Variants in SPAG16 observed in about 807,000 individuals in gnomAD.
SPAG16 encodes sperm associated antigen 16.
SPAG16 carries 86 observed loss-of-function variants against 80.4 expected under a neutral mutation model. The ratio of observed to expected loss-of-function variants is 1.07; its 90% CI spans 0.90 to 1.28. The LOEUF (loss-of-function observed/expected upper bound fraction) is 1.28, where lower values mean the gene tolerates loss of function less well. SPAG16 is among the 50% of genes most tolerant of loss of function. The pLI is 0.00. For synonymous variants in SPAG16, 294 were observed against 265.9 expected (o/e 1.11, Z -1.03); for missense variants, 870 against 765.3 (o/e 1.14, Z -1.61).
chr2:214,113,817 A>G (rs1057062817), intron 14 of SPAG16, among the ~76,000 whole-genome samples: 3 of 152,136 alleles, frequency 2.0e-5, no homozygotes, highest in Admixed American at 6.6e-5. Flanking sequence ...TCTGAAGCCT[A>G]CTTCTGCCAA....
intron 10 of SPAG16, among the ~76,000 whole-genome samples, chr2:213,532,338 A>G (rs1035820102): frequency 6.6e-6 from 1 of 152,168 alleles, no homozygotes; most frequent in Admixed American, 6.5e-5. Context: ...TTTAATTTTT[A>G]TATACTCTGT....
At chr2:213,331,794 A>G (rs1283868166) in intron 5 of SPAG16, among the ~76,000 whole-genome samples, 1 of 152,234 alleles carries the variant, frequency 6.6e-6, no homozygotes, top group African/African-American at 2.4e-5. Context: ...TGGATCAGTG[A>G]AGGAATTAAG....
At chr2:213,882,980 C>G (rs2076404589) in intron 11 of SPAG16, among the ~76,000 whole-genome samples, 1 of 152,200 alleles carries the variant, frequency 6.6e-6, no homozygotes, top group Non-Finnish European at 1.5e-5. Context: ...CATTCTCCTC[C>G]TCAGCCTCCC....
intron 10 of SPAG16, among the ~76,000 whole-genome samples, chr2:213,769,318 T>A (rs187852031): frequency 2.0e-5 from 3 of 152,302 alleles, no homozygotes; most frequent in Middle Eastern, 3.4e-3. Flanking sequence ...AAAATTTCCA[T>A]AGAAGTTGAA....
At chr2:213,929,600 G>T (rs191619321) in intron 11 of SPAG16, among the ~76,000 whole-genome samples, 3 of 151,012 alleles carry the variant, frequency 2.0e-5, no homozygotes, top group African/African-American at 7.2e-5. Flanking sequence ...TTTAGCCCAT[G>T]TCTGAATCTT....
At chr2:213,934,867 C>T (rs1463254993) in intron 12 of SPAG16, among the ~76,000 whole-genome samples, 1 of 152,022 alleles carries the variant, frequency 6.6e-6, no homozygotes, top group African/African-American at 2.4e-5. Flanking sequence ...TTTGTAACTT[C>T]AGTTAGGCTG....
intron 15 of SPAG16, among the ~76,000 whole-genome samples, chr2:214,229,075 A>T (rs1053566713): frequency 5.3e-5 from 8 of 151,786 alleles, no homozygotes; most frequent in Non-Finnish European, 1.2e-4. Context: ...ACCAGGGACT[A>T]TGGTAGGTAC....
chr2:214,276,722 C>G (rs1362476691), intron 15 of SPAG16, among the ~76,000 whole-genome samples: 1 of 152,132 alleles, frequency 6.6e-6, no homozygotes, highest in Admixed American at 6.5e-5. Context: ...CTGCCCTTAA[C>G]ATTTTTTCCT....
At chr2:213,751,984 A>T (rs974391381) in intron 10 of SPAG16, among the ~76,000 whole-genome samples, 4 of 152,178 alleles carry the variant, frequency 2.6e-5, no homozygotes, top group African/African-American at 9.7e-5. Flanking sequence ...CTGTAAACTA[A>T]ACCGAAAAAG....
intron 15 of SPAG16, among the ~76,000 whole-genome samples, chr2:214,377,427 A>G (rs1700195115): frequency 1.3e-5 from 2 of 152,210 alleles, no homozygotes; most frequent in South Asian, 4.1e-4. Flanking sequence ...TTTCAGACAG[A>G]TGATTCATCT....
At chr2:214,244,105 A>G (rs1196374027) in intron 15 of SPAG16, among the ~76,000 whole-genome samples, 1 of 152,104 alleles carries the variant, frequency 6.6e-6, no homozygotes, top group Non-Finnish European at 1.5e-5. Flanking sequence ...GAATCCACTC[A>G]ATCAGTTACA....
intron 11 of SPAG16, among the ~76,000 whole-genome samples, chr2:213,901,993 G>T (rs1335875340): frequency 6.6e-6 from 1 of 152,192 alleles, no homozygotes; most frequent in Non-Finnish European, 1.5e-5. Context: ...ATCCTGGTCT[G>T]AATGAAAATG....
At chr2:213,345,730 A>C (rs1317392205) in intron 6 of SPAG16, among the ~76,000 whole-genome samples, 2 of 149,024 alleles carry the variant, frequency 1.3e-5, no homozygotes, top group East Asian at 4.0e-4. Context: ...GTTCTGTTCC[A>C]TTGGTCTATA....
intron 9 of SPAG16, among the ~76,000 whole-genome samples, chr2:213,396,911 A>G (rs1388509658): frequency 6.6e-6 from 1 of 151,726 alleles, no homozygotes; most frequent in Admixed American, 6.6e-5. Context: ...TTGACCCAAT[A>G]TTTCCCTCTT....
intron 13 of SPAG16, among the ~76,000 whole-genome samples, 155 bp downstream of exon 13, chr2:214,014,232 G>A (rs2047472796): frequency 6.6e-6 from 1 of 152,144 alleles, no homozygotes. Context: ...TCCTTTCTAT[G>A]CACTTGTATC....
At chr2:213,499,267 G>A (rs1221140453) in intron 10 of SPAG16, among the ~76,000 whole-genome samples, 1 of 152,026 alleles carries the variant, frequency 6.6e-6, no homozygotes, top group Non-Finnish European at 1.5e-5. Context: ...CTATACTAGA[G>A]CTCCTTTCTG....
chr2:213,343,149 ACT>A (rs925563251), intron 6 of SPAG16, among the ~76,000 whole-genome samples: 6 of 152,080 alleles, frequency 3.9e-5, no homozygotes, highest in Non-Finnish European at 8.8e-5. Context: ...CACCTGGGAA[ACT>A]CTGAGCAAAA....
At chr2:214,404,347 G>C (rs567269814) in intron 15 of SPAG16, among the ~76,000 whole-genome samples, 23 of 152,186 alleles carry the variant, frequency 1.5e-4, no homozygotes, top group Non-Finnish European at 2.2e-4. Context: ...CAGCTCAGCT[G>C]TTTTATTTGT....
intron 15 of SPAG16, among the ~76,000 whole-genome samples, chr2:214,197,137 A>G (rs1388237253): frequency 1.3e-5 from 2 of 152,050 alleles, no homozygotes; most frequent in Non-Finnish European, 2.9e-5. Flanking sequence ...TATTCCACTC[A>G]GTTTTGAGTA....
Sources: gnomAD v4.1 joint callset for allele counts (sites outside exome capture counted in the v4.1 genomes callset) on GRCh38, gnomAD v4.1.1 for gene constraint, MANE v1.5 for transcripts, NCBI Gene and HGNC (gene_info 2026-07-23, HGNC 2026-07-21) for gene names.